Variants in NPHS2 observed in about 807,000 individuals in gnomAD.
NPHS2 encodes NPHS2 stomatin family member, podocin.
Under a neutral mutation model 37.1 loss-of-function variants are expected in NPHS2, and 36 were observed. That is an observed-to-expected ratio of 0.97 (90% CI 0.74 to 1.28). The LOEUF is 1.28. Ranked by LOEUF, NPHS2 falls within the 50% of genes most tolerant of loss-of-function variation. NPHS2 has a pLI of 0.00. For missense variants in NPHS2, 447 were observed against 488.1 expected (o/e 0.92, Z 0.79); for synonymous variants, 196 against 189.3 (o/e 1.04, Z -0.29).
intron 2 of NPHS2, among the ~76,000 whole-genome samples, chr1:179,563,013 G>A (rs6657893): frequency 0.71 from 108,704 of 152,074 alleles, 38,973 homozygotes; most frequent in Non-Finnish European, 0.72. Flanking sequence ...TCTTGTGGCA[G>A]TCATGCAGGT....
intron 4 of NPHS2, 33 bp downstream of exon 4, chr1:179,559,646 T>C (rs770933709): frequency 8.5e-6 from 12 of 1,405,076 alleles, no homozygotes; most frequent in African/African-American, 1.4e-5. Context: ...ATGGAAAATG[T>C]ATAGAGAAAG....
chr1:179,551,620 A>C, intron 7 of NPHS2, 169 bp from the exon 8 acceptor site: 2 of 708,538 alleles, frequency 2.8e-6, no homozygotes, highest in Non-Finnish European at 4.7e-6. Flanking sequence ...CTGGGGAGAC[A>C]GATTAAACTG....
intron 5 of NPHS2, among the ~76,000 whole-genome samples, chr1:179,555,989 T>C (rs17278693): frequency 0.2 from 30,869 of 152,190 alleles, 3,819 homozygotes; most frequent in Non-Finnish European, 0.27. Context: ...ACTTTTATCA[T>C]GGGTTTATTA....
At chr1:179,562,676 CT>C (rs2125788722) in intron 2 of NPHS2, among the ~76,000 whole-genome samples, 1 of 152,292 alleles carries the variant, frequency 6.6e-6, no homozygotes, top group African/African-American at 2.4e-5. Flanking sequence ...TTTTGTTTGT[CT>C]TCATGAGGTT....
chr1:179,570,402 A>G (rs1481576745), intron 1 of NPHS2, among the ~76,000 whole-genome samples: 3 of 152,168 alleles, frequency 2.0e-5, no homozygotes, highest in Admixed American at 2.0e-4. Context: ...AGTATCCCTT[A>G]TGGGAAACAA....
chr1:179,557,122 G>C lies in NPHS2; in HGVS notation c.643C>G (p.Gln215Glu), dbSNP rs778055996. 3.5e-5 allele frequency: 56 copies of C among 1,613,960 alleles called. No homozygotes were observed. The South Asian group carries it at 5.4e-4, about 16-fold the overall frequency. The part of the protein sequence containing the change: ...SSLAHVSKAV[Q>E]FLVQTTMKRL... ...TTCATAGTGGTTTGCACAAGGAATT[G>C]CACAGCTTTAGATACATGAGCAAGA... Residue 215 changes from glutamine (Q) to glutamate (E), a missense_variant, in exon 5 of 8, where the codon CAA becomes GAA. By Grantham distance (29) the Gln-to-Glu change is conservative. Coordinates refer to ENST00000367615, the MANE Select transcript of NPHS2 (RefSeq NM_014625.4).
At chr1:179,561,981 A>G (rs553251932) in intron 2 of NPHS2, among the ~76,000 whole-genome samples, 1 of 152,114 alleles carries the variant, frequency 6.6e-6, no homozygotes, top group African/African-American at 2.4e-5. Flanking sequence ...AATTTTTTGT[A>G]TTTTTAGTAG....
At position 179,557,237 on chromosome 1, in the gene NPHS2, A is replaced by G. The variant is rs1308924984; in HGVS notation, c.535-7T>C. 1.9e-6 allele frequency: 3 copies of G among 1,613,364 alleles called. No homozygotes were observed. The African/African-American group carries it at 4.0e-5, about 22-fold the overall frequency. On this transcript the variant is annotated splice_polypyrimidine_tract_variant and splice_region_variant and intron_variant, in intron 4 of 7. Transcript: ENST00000367615. ...ACATGTCTTTGGTCACGATCTAGGC[A>G]GAAAAAAGTTTGGATGACAGGCTTG... is the stretch of plus-strand genomic sequence containing the variant.
Position 179,551,355 on chromosome 1 carries a change from G to A in NPHS2, c.970C>T (p.Leu324Phe). The A allele has an allele frequency of 2.5e-6, 4 of 1,614,130 alleles. No homozygotes were observed. Among genetic ancestry groups the A allele is most frequent in the Non-Finnish European group, 3.4e-6 (4 of 1,180,000 alleles). The change falls in exon 8 of 8, where the codon CTC becomes TTC. Residue 324 changes from leucine (L) to phenylalanine (F), a missense_variant. Leu to Phe is a conservative substitution (Grantham distance 22, BLOSUM62 0). Coordinates refer to ENST00000367615, the MANE Select transcript of NPHS2 (RefSeq NM_014625.4). ...GTPAAVQLRY[L>F]HTLQSLSTEK... ...GTGGACAGAGACTGAAGGGTGTGGA[G>A]GTATCGAAGCTGAACGGCAGCAGGG...
chr1:179,552,575 A>C (rs987828470), intron 7 of NPHS2, 28 bp downstream of exon 7: 1 of 1,592,008 alleles, frequency 6.3e-7, no homozygotes, highest in Middle Eastern at 1.7e-4. Context: ...CCTAAAGGGC[A>C]GTCTGGGTGG....
At chr1:179,553,603 G>A (rs966870932) in intron 6 of NPHS2, among the ~76,000 whole-genome samples, 2 of 152,208 alleles carry the variant, frequency 1.3e-5, no homozygotes, top group Non-Finnish European at 2.9e-5. Flanking sequence ...GGATTAAGGA[G>A]TACATGGGGG....
chr1:179,575,093 G>A (rs1445625232), intron 1 of NPHS2, among the ~76,000 whole-genome samples: 1 of 152,184 alleles, frequency 6.6e-6, no homozygotes, highest in Non-Finnish European at 1.5e-5. Flanking sequence ...ACTCAGGTGT[G>A]GCTCTTCCTC....
rs959955974 is a variant in NPHS2 at position 179,556,068 on chromosome 1, A to G, written c.738+959T>C. Among the ~76,000 whole-genome samples the G allele has an allele frequency of 6.6e-6, 1 of 152,246 alleles. No individual in the cohort carries two copies. The highest frequency in any genetic ancestry group is 2.4e-5 in the African/African-American group (1 of 41,472). On this transcript the variant is annotated intron_variant, in intron 5 of 7. Transcript: ENST00000367615. This position sits in a 1 kb window ranked among gnomAD's most constrained non-coding sequence, Gnocchi z 4.1. ...GGTTTATAAGTCAAAGAACACTTGC[A>G]TATATATTATAATCAGTGTAACAAG...
intron 3 of NPHS2, 113 bp downstream of exon 3, chr1:179,561,176 T>C: frequency 1.2e-6 from 1 of 813,952 alleles, no homozygotes; most frequent in Non-Finnish European, 2.2e-6. Context: ...AATTCAGATA[T>C]CATGAATCAA....
At chr1:179,567,515 G>A (rs958686300) in intron 1 of NPHS2, among the ~76,000 whole-genome samples, 1 of 152,148 alleles carries the variant, frequency 6.6e-6, no homozygotes, top group Non-Finnish European at 1.5e-5. Context: ...TCTGCAAACA[G>A]GGACAATTTG....
At position 179,559,695 on chromosome 1, in the gene NPHS2, T is replaced by C; in HGVS notation, c.518A>G (p.Glu173Gly). 4 of 1,588,264 alleles carry C rather than the reference T, an allele frequency of 2.5e-6. No homozygotes were observed. The highest frequency in any genetic ancestry group is 3.4e-6 in the Non-Finnish European group (4 of 1,164,338). ...TTGGCTTACCTCATGAAAAGGTATC[T>C]CCAGAGTTTGGAGACGAAGGTCAAC... ...HKVDLRLQTL[E>G]IPFHEIVTKD... Residue 173 changes from glutamate (E) to glycine (G), a missense_variant, in exon 4 of 8, where the codon GAG becomes GGG. By Grantham distance (98) the Glu-to-Gly change is moderately conservative. Coordinates refer to ENST00000367615, the MANE Select transcript of NPHS2 (RefSeq NM_014625.4).
chr1:179,559,924 T>C (rs1349859222), intron 3 of NPHS2, among the ~76,000 whole-genome samples, 163 bp from the exon 4 acceptor site: 1 of 152,162 alleles, frequency 6.6e-6, no homozygotes, highest in African/African-American at 2.4e-5. Context: ...GAGAGCACTA[T>C]TATATATTAT....
chr1:179,557,287 G>C, intron 4 of NPHS2, 57 bp from the exon 5 acceptor site: 1 of 1,385,946 alleles, frequency 7.2e-7, no homozygotes, highest in Non-Finnish European at 1.0e-6. Flanking sequence ...TTCCTATGTG[G>C]GGTTAGAGGA....
rs760885607 is a variant in NPHS2 at position 179,575,848 on chromosome 1, C to T, written c.17G>A (p.Arg6Gln). 46 of 1,427,032 alleles carry T rather than the reference C, an allele frequency of 3.2e-5. No individual in the cohort carries two copies. Among genetic ancestry groups the T allele is most frequent in the Non-Finnish European group, 4.1e-5 (45 of 1,099,412 alleles). The allele number at this position is 1,427,032 out of a possible 1,614,324, so 88.4% of individuals were successfully genotyped here. Residue 6 changes from arginine to glutamine, a missense_variant, in exon 1 of 8, where the codon CGG (arginine) becomes CAG (glutamine). Transcript: ENST00000367615. MERRA[R>Q]SSSRESRGRG... ...CCCGCGGGACTCCCTGGAGGAGCTCCGCGCCCTCCTCTCCATCCTCAGAGC... is the reference window on the plus strand; with the variant it reads ...CCCGCGGGACTCCCTGGAGGAGCTCTGCGCCCTCCTCTCCATCCTCAGAGC...
Sources: gnomAD v4.1 joint callset for allele counts (sites outside exome capture counted in the v4.1 genomes callset) on GRCh38, gnomAD v4.1.1 for gene constraint, Gnocchi (gnomAD v3.1) non-coding constraint, MANE v1.5 for transcripts, NCBI Gene and HGNC (gene_info 2026-07-23, HGNC 2026-07-21) for gene names.